The following SLAIN2 variants were observed in gnomAD, a reference collection of about 807,000 sequenced individuals.
The protein encoded by SLAIN2 is SLAIN motif-containing protein 2.
In SLAIN2, 31 loss-of-function variants were observed where a neutral mutation model predicts 56.6. The observed-to-expected ratio is 0.55, with a 90% CI of 0.41 to 0.74. The LOEUF (loss-of-function observed/expected upper bound fraction) is 0.74. Ranked by LOEUF, SLAIN2 falls within the 30% of genes least tolerant of loss-of-function variation. SLAIN2 has a pLI of 0.00. For synonymous variants in SLAIN2, 317 were observed against 284.9 expected, an observed-to-expected ratio of 1.11 and a Z score of -1.13; for missense variants, 777 against 754.2, an observed-to-expected ratio of 1.03 and a Z score of -0.35.
chr4:48,344,662 A>T (rs1399915400), intron 1 of SLAIN2, among the ~76,000 whole-genome samples: 1 of 151,900 alleles, frequency 6.6e-6, no homozygotes, highest in Non-Finnish European at 1.5e-5. Context: ...TTTAGAAAAC[A>T]GTGCTCTACA....
At chr4:48,413,056 C>T (rs1021943233) in intron 6 of SLAIN2, among the ~76,000 whole-genome samples, 2 of 151,852 alleles carry the variant, frequency 1.3e-5, no homozygotes, top group African/African-American at 4.8e-5. Context: ...GGCAAAACTC[C>T]GTCTCTACCA....
At chr4:48,398,256 C>T (rs767288654) in intron 6 of SLAIN2, among the ~76,000 whole-genome samples, 21 of 152,182 alleles carry the variant, frequency 1.4e-4, no homozygotes, top group Non-Finnish European at 2.2e-4. Flanking sequence ...AGTGATGATG[C>T]GCTTTTTTTC....
intron 1 of SLAIN2, among the ~76,000 whole-genome samples, chr4:48,351,303 A>G (rs75823995): frequency 0.015 from 2,332 of 152,314 alleles, 42 homozygotes; most frequent in African/African-American, 0.052. Flanking sequence ...ACTATATTCT[A>G]TAGTGATAAT....
intron 1 of SLAIN2, among the ~76,000 whole-genome samples, chr4:48,354,129 T>C (rs1223656675): frequency 1.3e-5 from 2 of 151,566 alleles, no homozygotes; most frequent in African/African-American, 4.9e-5. Context: ...AACAAAAACT[T>C]TCAAATTAAA....
chr4:48,353,378 A>G (rs1321700643), intron 1 of SLAIN2, among the ~76,000 whole-genome samples: 1 of 151,864 alleles, frequency 6.6e-6, no homozygotes, highest in Non-Finnish European at 1.5e-5. Context: ...AGAAATAGTC[A>G]TAAGAACTTT....
rs1717253073 is a variant in SLAIN2 at position 48,424,675 on chromosome 4, G to A, written c.*2598G>A. On this transcript the variant is annotated 3_prime_UTR_variant, in exon 8 of 8. Coordinates refer to ENST00000264313, the MANE Select transcript of SLAIN2 (RefSeq NM_020846.2). ...TCTCTGAAGAGTTGACTTTTTTTCA[G>A]TTTCGTATCCTGGAAATCACATTTT... 1 of 151,404 alleles carries A rather than the reference G, an allele frequency of 6.6e-6. No individual in the cohort carries two copies. The highest frequency in any genetic ancestry group is 6.6e-5 in the Admixed American group (1 of 15,190). 9.4% of individuals were successfully genotyped at this position (151,404 alleles called of 1,614,324 possible).
At chr4:48,351,432 G>C (rs1715006403) in intron 1 of SLAIN2, among the ~76,000 whole-genome samples, 1 of 152,196 alleles carries the variant, frequency 6.6e-6, no homozygotes. Flanking sequence ...TCTCCTCTGA[G>C]TGGGAGATAA....
intron 6 of SLAIN2, among the ~76,000 whole-genome samples, chr4:48,390,259 A>G (rs1001970414): frequency 5.3e-5 from 8 of 151,718 alleles, no homozygotes; most frequent in African/African-American, 1.2e-4. Flanking sequence ...TTGTATTTTT[A>G]GTAGAGATGG....
At chr4:48,394,747 G>C in intron 6 of SLAIN2, 1 of 843,210 alleles carries the variant, frequency 1.2e-6, no homozygotes, top group Non-Finnish European at 1.8e-6. Context: ...TGTCTGTAAG[G>C]CACATTTTAG....
intron 1 of SLAIN2, among the ~76,000 whole-genome samples, chr4:48,354,302 C>T (rs1024181319): frequency 6.6e-6 from 1 of 152,068 alleles, no homozygotes; most frequent in Non-Finnish European, 1.5e-5. Flanking sequence ...CAAATCATCA[C>T]TTCTAGCTTG....
chr4:48,418,478 A>G (rs1394289521), intron 6 of SLAIN2, among the ~76,000 whole-genome samples: 2 of 152,124 alleles, frequency 1.3e-5, no homozygotes, highest in Non-Finnish European at 2.9e-5. Flanking sequence ...TATTGAACCA[A>G]CCTTGCATCT....
chr4:48,386,461 C>A (rs1716103027), intron 6 of SLAIN2, among the ~76,000 whole-genome samples: 1 of 152,128 alleles, frequency 6.6e-6, no homozygotes, highest in Admixed American at 6.5e-5. Flanking sequence ...ATGGTTTAGA[C>A]CATGATATAA....
Position 48,341,640 on chromosome 4 carries a change from C to T in SLAIN2, c.-100C>T. On this transcript the variant is annotated 5_prime_UTR_variant, in exon 1 of 8. Coordinates refer to ENST00000264313, the MANE Select transcript of SLAIN2 (RefSeq NM_020846.2). ...CTGGTCCTGCTATATGCCGGCGCCT[C>T]GGCTAGAGTGAGCGGCGGCGACGCC... 1 of 1,463,228 alleles carries T rather than the reference C, an allele frequency of 6.8e-7. No homozygotes were observed. Among genetic ancestry groups the T allele is most frequent in the South Asian group, 1.4e-5 (1 of 71,478 alleles). 90.6% of individuals were successfully genotyped at this position (1,463,228 alleles called of 1,614,324 possible).
chr4:48,342,557 G>A (rs765195308), intron 1 of SLAIN2, among the ~76,000 whole-genome samples: 1 of 152,038 alleles, frequency 6.6e-6, no homozygotes, highest in Non-Finnish European at 1.5e-5. Context: ...AGGTGTGGGG[G>A]TCAGGGGCAG....
intron 4 of SLAIN2, among the ~76,000 whole-genome samples, chr4:48,380,579 T>A (rs1216715005): frequency 6.6e-6 from 1 of 152,170 alleles, no homozygotes; most frequent in Non-Finnish European, 1.5e-5. Context: ...ATGCACAAAA[T>A]TTTTAATACT....
chr4:48,378,715 G>A (rs1259337893), intron 3 of SLAIN2, among the ~76,000 whole-genome samples: 1 of 152,134 alleles, frequency 6.6e-6, no homozygotes, highest in Non-Finnish European at 1.5e-5. Flanking sequence ...CCTATTCTTT[G>A]TGTAGTATAT....
Position 48,341,955 on chromosome 4 carries a change from C to G in SLAIN2, c.216C>G (p.Ser72Arg). ...ASPRGFPLGL[S>R]AKSGGGPGSG... ...CTCGGGGCTTCCCCTTGGGCCTCAG[C>G]GCCAAGTCGGGCGGCGGGCCCGGGT... The change falls in exon 1 of 8, where the codon AGC (serine) becomes AGG (arginine). Residue 72 changes from serine to arginine, a missense_variant. Transcript: ENST00000264313. 2.1e-6 allele frequency: 3 copies of G among 1,453,316 alleles called. No homozygotes were observed. The highest frequency in any genetic ancestry group is 2.7e-6 in the Non-Finnish European group (3 of 1,108,286). The allele number at this position is 1,453,316 out of a possible 1,614,324, so 90.0% of individuals were successfully genotyped here. A position where few individuals can be genotyped will look rare whatever the true frequency, so the allele number is the denominator to read the frequency against.
At chr4:48,395,411 A>G (rs1185642653) in intron 6 of SLAIN2, among the ~76,000 whole-genome samples, 4 of 152,140 alleles carry the variant, frequency 2.6e-5, no homozygotes, top group Admixed American at 6.6e-5. Flanking sequence ...GCACTAAAGA[A>G]AATTACGCAG....
chr4:48,395,472 G>A (rs1402954010), intron 6 of SLAIN2, among the ~76,000 whole-genome samples: 1 of 151,624 alleles, frequency 6.6e-6, no homozygotes, highest in Admixed American at 6.6e-5. Flanking sequence ...GAAAAAATTT[G>A]GTTACGTTTA....
Sources: gnomAD v4.1 joint callset for allele counts (sites outside exome capture counted in the v4.1 genomes callset) on GRCh38, gnomAD v4.1.1 for gene constraint, MANE v1.5 for transcripts, NCBI Gene and HGNC (gene_info 2026-07-23, HGNC 2026-07-21) for gene names.